The following SPATA13 variants were observed in gnomAD, a reference collection of about 807,000 sequenced individuals.
The protein encoded by SPATA13 is spermatogenesis-associated protein 13.
In SPATA13, 50 loss-of-function variants were observed where a neutral mutation model predicts 104.0. That is an observed-to-expected ratio of 0.48 (90% CI 0.38 to 0.61). The LOEUF (loss-of-function observed/expected upper bound fraction) is 0.61. SPATA13 is among the 20% of genes least tolerant of loss of function. The pLI, the probability that SPATA13 is intolerant of heterozygous loss-of-function variation, is 0.00. For synonymous variants in SPATA13, 606 were observed against 667.5 expected, an observed-to-expected ratio of 0.91 and a Z score of 1.42; for missense variants, 1,524 against 1,690.6, an observed-to-expected ratio of 0.90 and a Z score of 1.73.
intron 2 of SPATA13, among the ~76,000 whole-genome samples, chr13:23,992,984 C>T (rs1593262570): frequency 6.6e-6 from 1 of 152,356 alleles, no homozygotes; most frequent in Admixed American, 6.5e-5. Flanking sequence ...GCCCTGAGAG[C>T]TGCCTGTCAT....
At chr13:24,004,315 C>A (rs528104186) in intron 2 of SPATA13, among the ~76,000 whole-genome samples, 7 of 152,220 alleles carry the variant, frequency 4.6e-5, no homozygotes, top group Non-Finnish European at 1.0e-4. Context: ...CAACACCTAT[C>A]TGCGCACTTT....
chr13:24,302,477 AAAAAAAAAAAAAG>A, intron 12 of SPATA13, 108 bp from the exon 13 acceptor site: 2 of 460,698 alleles, frequency 4.3e-6, no homozygotes, highest in Non-Finnish European at 7.2e-6. Flanking sequence ...AAAAAAAAAA[AAAAAAAAAAAAAG>A]AATTAGCTGA....
intron 2 of SPATA13, among the ~76,000 whole-genome samples, chr13:24,238,876 T>C (rs1872700002): frequency 6.6e-6 from 1 of 152,234 alleles, no homozygotes. Flanking sequence ...CATTAGATTC[T>C]TGTATTCCTC....
chr13:24,251,792 C>T lies in SPATA13; in HGVS notation c.2094C>T (p.Phe698=), dbSNP rs1169619950. The T allele has an allele frequency of 1.2e-6, 2 of 1,614,220 alleles. No homozygotes were observed. Among genetic ancestry groups the T allele is most frequent in the Admixed American group, 1.7e-5 (1 of 60,034 alleles). ...YKAVSARFRP[F]TFSQSTPIGL... is the part of the protein sequence containing the mutation. ...CTGTGTCGGCCCGGTTCCGGCCCTTCACATTCTCCCAGAGCACCCCCATTG... is the reference window on the plus strand; with the variant it reads ...CTGTGTCGGCCCGGTTCCGGCCCTTTACATTCTCCCAGAGCACCCCCATTG... The change falls in exon 4 of 13, where the codon TTC becomes TTT. Residue 698 remains phenylalanine, a synonymous_variant. Coordinates refer to ENST00000382108, the MANE Select transcript of SPATA13 (RefSeq NM_001166271.3).
At chr13:24,280,791 G>A (rs1011395163) in intron 4 of SPATA13, among the ~76,000 whole-genome samples, 1 of 151,990 alleles carries the variant, frequency 6.6e-6, no homozygotes, top group African/African-American at 2.4e-5. Flanking sequence ...AAAATGATGT[G>A]CTTCCTCAAG....
chr13:24,112,917 G>A (rs1013662467), intron 3 of SPATA13, among the ~76,000 whole-genome samples: 3 of 152,106 alleles, frequency 2.0e-5, no homozygotes, highest in African/African-American at 4.8e-5. Context: ...TTCCTTGAGC[G>A]TTTTCTAGAA....
chr13:24,005,193 G>A (rs887477208), intron 2 of SPATA13, among the ~76,000 whole-genome samples: 1 of 152,146 alleles, frequency 6.6e-6, no homozygotes, highest in African/African-American at 2.4e-5. Context: ...GCATTTAATT[G>A]CAAATCAGTT....
chr13:24,233,330 A>G (rs911883385), intron 2 of SPATA13, among the ~76,000 whole-genome samples: 1 of 152,206 alleles, frequency 6.6e-6, no homozygotes, highest in Non-Finnish European at 1.5e-5. Flanking sequence ...GTGTTTTATG[A>G]TATTTCCTAA....
intron 3 of SPATA13, among the ~76,000 whole-genome samples, chr13:24,077,979 G>A (rs1879388968): frequency 6.6e-6 from 1 of 152,100 alleles, no homozygotes; most frequent in African/African-American, 2.4e-5. Flanking sequence ...GACCTTCAAG[G>A]CTTGGCCTGC....
chr13:24,233,240 A>T (rs1232484556), intron 2 of SPATA13, among the ~76,000 whole-genome samples: 1 of 152,212 alleles, frequency 6.6e-6, no homozygotes, highest in Non-Finnish European at 1.5e-5. Context: ...TAAATATAAT[A>T]TTATGTGTGC....
intron 1 of SPATA13, among the ~76,000 whole-genome samples, chr13:24,221,305 C>A (rs1566157386): frequency 6.6e-6 from 1 of 152,168 alleles, no homozygotes; most frequent in Non-Finnish European, 1.5e-5. Flanking sequence ...TTTTCCAAGA[C>A]CTTAGGGCAG....
intron 2 of SPATA13, among the ~76,000 whole-genome samples, chr13:23,992,822 T>C (rs1034640273): frequency 6.6e-6 from 1 of 152,222 alleles, no homozygotes; most frequent in Non-Finnish European, 1.5e-5. Flanking sequence ...TGGGAAACAC[T>C]GTCTAGACTG....
intron 1 of SPATA13, among the ~76,000 whole-genome samples, chr13:24,213,280 G>A (rs1871120567): frequency 6.6e-6 from 1 of 152,108 alleles, no homozygotes; most frequent in African/African-American, 2.4e-5. Context: ...GTTTGTTTTT[G>A]TTTTGAGATG....
At chr13:24,180,634 G>A (rs1383159479) in intron 1 of SPATA13, among the ~76,000 whole-genome samples, 1 of 152,130 alleles carries the variant, frequency 6.6e-6, no homozygotes, top group Non-Finnish European at 1.5e-5. Context: ...TCCATTTACT[G>A]AGGTCTTAAA....
At chr13:24,121,223 G>A (rs777486208) in intron 3 of SPATA13, among the ~76,000 whole-genome samples, 10 of 152,132 alleles carry the variant, frequency 6.6e-5, no homozygotes, top group Non-Finnish European at 2.9e-5. Flanking sequence ...CACAGAGGGA[G>A]CTGTCATTTT....
chr13:24,084,467 G>A (rs777504787), intron 3 of SPATA13, among the ~76,000 whole-genome samples: 1 of 152,234 alleles, frequency 6.6e-6, no homozygotes, highest in African/African-American at 2.4e-5. Context: ...TTTGCACCCT[G>A]ACTCACTTCA....
intron 3 of SPATA13, among the ~76,000 whole-genome samples, chr13:24,018,075 C>T (rs1876797750): frequency 6.6e-6 from 1 of 152,192 alleles, no homozygotes; most frequent in Non-Finnish European, 1.5e-5. Flanking sequence ...AAATGAATCA[C>T]CTTACACCCG....
intron 3 of SPATA13, among the ~76,000 whole-genome samples, chr13:24,065,554 G>C (rs6416353): frequency 0.89 from 135,262 of 151,530 alleles, 60,919 homozygotes; most frequent in South Asian, 0.98. Flanking sequence ...TGGCATATAT[G>C]AATATTAGCA....
intron 3 of SPATA13, among the ~76,000 whole-genome samples, chr13:24,077,027 C>G (rs111625554): frequency 6.6e-6 from 1 of 151,920 alleles, no homozygotes; most frequent in Non-Finnish European, 1.5e-5. Flanking sequence ...GGTTTCTTAA[C>G]GAGCCAGTTT....
Sources: allele counts gnomAD v4.1 joint callset (sites outside exome capture counted in the v4.1 genomes callset), GRCh38; gene constraint gnomAD v4.1.1; transcripts MANE v1.5; gene names NCBI Gene and HGNC (gene_info 2026-07-23, HGNC 2026-07-21).